The following TMEM132C variants were observed in gnomAD, a reference collection of about 807,000 sequenced individuals.
TMEM132C encodes the protein transmembrane protein 132C, also known as protein phosphatase 1, regulatory subunit 152.
TMEM132C carries 29 observed loss-of-function variants against 61.4 expected under a neutral mutation model. That is an observed-to-expected ratio of 0.47 (90% CI 0.35 to 0.64). The LOEUF (loss-of-function observed/expected upper bound fraction) is 0.64, where lower values mean the gene tolerates loss of function less well. Ranked by LOEUF, TMEM132C falls within the 30% of genes least tolerant of loss-of-function variation. TMEM132C has a pLI of 0.00. For synonymous variants in TMEM132C, 656 were observed against 633.1 expected (o/e 1.04, Z -0.54); for missense variants, 1,408 against 1,476.9 (o/e 0.95, Z 0.76).
intron 2 of TMEM132C, among the ~76,000 whole-genome samples, chr12:128,457,187 T>C (rs1251419099): frequency 1.3e-5 from 2 of 152,020 alleles, no homozygotes; most frequent in African/African-American, 4.8e-5. Context: ...TATTTTTCAC[T>C]TTTTTTAGGA....
Position 128,616,149 on chromosome 12 carries a change from C to T in TMEM132C, c.1122-3C>T, listed in dbSNP as rs1385128388. 1.3e-6 allele frequency: 2 copies of T among 1,550,460 alleles called. No individual in the cohort carries two copies. The highest frequency in any genetic ancestry group is 1.7e-6 in the Non-Finnish European group (2 of 1,146,308). ...TAAAGCCAGTTTCTTTTCTCTCTTCCAGGAGCAGCAGTTTATTCAATGAGG... is the reference window on the plus strand; with the variant it reads ...TAAAGCCAGTTTCTTTTCTCTCTTCTAGGAGCAGCAGTTTATTCAATGAGG... On this transcript the variant is annotated splice_region_variant and splice_polypyrimidine_tract_variant and intron_variant, in intron 3 of 8. Transcript: ENST00000435159.
At chr12:128,665,859 ATACACACAGGCACACGTACC>A (rs1954460729) in intron 4 of TMEM132C, among the ~76,000 whole-genome samples, 2 of 144,814 alleles carry the variant, frequency 1.4e-5, no homozygotes, top group African/African-American at 5.3e-5. Flanking sequence ...ACACACACAC[ATACACACAGGCACACGTACC>A]CATAAACACA....
chr12:128,432,835 A>G (rs1448579933), intron 2 of TMEM132C, among the ~76,000 whole-genome samples: 1 of 152,184 alleles, frequency 6.6e-6, no homozygotes, highest in Non-Finnish European at 1.5e-5. Flanking sequence ...ATCAAACAGC[A>G]TCGCGTACTA....
intron 1 of TMEM132C, among the ~76,000 whole-genome samples, chr12:128,287,833 T>C (rs993869559): frequency 6.6e-6 from 1 of 152,142 alleles, no homozygotes; most frequent in African/African-American, 2.4e-5. Flanking sequence ...TTTCTCAGCC[T>C]TTTTTTGTCT....
chr12:128,288,165 T>G (rs1871134640), intron 1 of TMEM132C: 2 of 151,958 alleles, frequency 1.3e-5, no homozygotes, highest in African/African-American at 4.8e-5. Context: ...TTCAAATGAT[T>G]CTCCTGCCCC....
At chr12:128,663,228 C>G (rs896921698) in intron 4 of TMEM132C, among the ~76,000 whole-genome samples, 1 of 152,220 alleles carries the variant, frequency 6.6e-6, no homozygotes, top group African/African-American at 2.4e-5. Context: ...AGACGTCGTA[C>G]CCATTACCAG....
intron 1 of TMEM132C, among the ~76,000 whole-genome samples, chr12:128,398,474 A>G (rs1475228694): frequency 1.3e-5 from 2 of 152,228 alleles, no homozygotes; most frequent in Non-Finnish European, 1.5e-5. Context: ...TGTGTGAGAC[A>G]TGTCTCCCTC....
At chr12:128,325,894 C>T (rs1872496161) in intron 1 of TMEM132C, among the ~76,000 whole-genome samples, 1 of 152,026 alleles carries the variant, frequency 6.6e-6, no homozygotes, top group Non-Finnish European at 1.5e-5. Flanking sequence ...TAGCAGTTTC[C>T]TTGAGTGCAG....
chr12:128,327,619 G>A (rs145774823), intron 1 of TMEM132C, among the ~76,000 whole-genome samples: 3,531 of 152,148 alleles, frequency 0.023, 97 homozygotes, highest in African/African-American at 0.072. Flanking sequence ...TCCTGACCTC[G>A]TGATCTGCCC....
chr12:128,579,377 T>G (rs1046647509), intron 3 of TMEM132C, among the ~76,000 whole-genome samples: 1 of 152,236 alleles, frequency 6.6e-6, no homozygotes, highest in African/African-American at 2.4e-5. Flanking sequence ...CATACTACTT[T>G]AAAATTGCTG....
intron 2 of TMEM132C, among the ~76,000 whole-genome samples, chr12:128,485,440 G>A (rs1186533904): frequency 6.6e-6 from 1 of 152,128 alleles, no homozygotes; most frequent in African/African-American, 2.4e-5. Context: ...GCCTCCCAAA[G>A]TGCTGGGATT....
rs114724661 is a variant in TMEM132C at position 128,615,070 on chromosome 12, C to T, written c.1122-1082C>T. Reference sequence around the variant, plus strand: ...GCTCTAGAACCCACTTCTTCCTCTACGTCCCAAATGAGTGGGTCCGACTGG... The same window carrying T: ...GCTCTAGAACCCACTTCTTCCTCTATGTCCCAAATGAGTGGGTCCGACTGG... On this transcript the variant is annotated intron_variant, in intron 3 of 8. Transcript: ENST00000435159. 5.6e-3 allele frequency among the ~76,000 whole-genome samples: 858 copies of T among 152,340 alleles called. 5 individuals are homozygous for T. The highest frequency in any genetic ancestry group is 0.015 in the African/African-American group (619 of 41,570).
chr12:128,425,155 C>T (rs75254042), intron 2 of TMEM132C, among the ~76,000 whole-genome samples: 6,747 of 137,764 alleles, frequency 0.049, 173 homozygotes, highest in Non-Finnish European at 0.07. Flanking sequence ...CTCCATTAGC[C>T]AGGCCCTCAG....
chr12:128,635,985 T>C (rs1388451872), intron 4 of TMEM132C, among the ~76,000 whole-genome samples: 1 of 152,218 alleles, frequency 6.6e-6, no homozygotes, highest in African/African-American at 2.4e-5. Flanking sequence ...ATCTCGGCTT[T>C]ATTCCCTGTG....
At chr12:128,678,458 C>T (rs1325770173) in intron 5 of TMEM132C, among the ~76,000 whole-genome samples, 2 of 152,218 alleles carry the variant, frequency 1.3e-5, no homozygotes, top group Non-Finnish European at 2.9e-5. Context: ...TGAACTCTGC[C>T]ACTGACAAGT....
intron 1 of TMEM132C, among the ~76,000 whole-genome samples, chr12:128,292,145 T>G (rs932762242): frequency 1.3e-5 from 2 of 152,260 alleles, no homozygotes; most frequent in African/African-American, 2.4e-5. Flanking sequence ...TTCCAGTAAC[T>G]ACAGCATTTT....
intron 1 of TMEM132C, among the ~76,000 whole-genome samples, chr12:128,272,255 A>G (rs1291896306): frequency 6.6e-6 from 1 of 150,396 alleles, no homozygotes; most frequent in Non-Finnish European, 1.5e-5. Flanking sequence ...TACCTTTTTC[A>G]AAATGTCATA....
chr12:128,701,561 A>G (rs961536263), intron 8 of TMEM132C, among the ~76,000 whole-genome samples: 2 of 152,142 alleles, frequency 1.3e-5, no homozygotes, highest in African/African-American at 2.4e-5. Flanking sequence ...GTCCTGCGGG[A>G]TGTAGAGTCA....
At chr12:128,418,959 C>T (rs146942677) in intron 2 of TMEM132C, among the ~76,000 whole-genome samples, 54 of 152,150 alleles carry the variant, frequency 3.5e-4, no homozygotes, top group African/African-American at 1.2e-3. Flanking sequence ...ATGCCATCTT[C>T]GCAGGCCCCT....
Sources: allele counts gnomAD v4.1 joint callset (sites outside exome capture counted in the v4.1 genomes callset), GRCh38; gene constraint gnomAD v4.1.1; transcripts MANE v1.5; gene names NCBI Gene and HGNC (gene_info 2026-07-23, HGNC 2026-07-21).